PDE8B: variants seen among roughly 807,000 people sequenced by gnomAD.
The protein encoded by PDE8B is phosphodiesterase 8B, also known as high affinity cAMP-specific and IBMX-insensitive 3',5'-cyclic phosphodiesterase 8B.
Under a neutral mutation model 101.3 loss-of-function variants are expected in PDE8B, and 26 were observed. The observed-to-expected ratio is 0.26, with a 90% CI of 0.19 to 0.36. The LOEUF (loss-of-function observed/expected upper bound fraction) is 0.36. Among genes scored for constraint, PDE8B ranks in the 10% least tolerant of loss-of-function variants. The pLI, the probability that PDE8B is intolerant of heterozygous loss-of-function variation, is 1.00. For synonymous variants in PDE8B, 424 were observed against 429.3 expected (o/e 0.99, Z 0.15); for missense variants, 810 against 1,163.1 (o/e 0.70, Z 4.42).
chr5:77,384,145 C>T (rs760155192), intron 10 of PDE8B, among the ~76,000 whole-genome samples: 1 of 152,054 alleles, frequency 6.6e-6, no homozygotes, highest in African/African-American at 2.4e-5. Context: ...TTGTTTGTGT[C>T]CTCTCTTATT....
chr5:77,392,881 CAGA>C (rs1459147423), intron 10 of PDE8B, among the ~76,000 whole-genome samples: 6 of 152,126 alleles, frequency 3.9e-5, no homozygotes, highest in South Asian at 2.1e-4. Flanking sequence ...TCAGTTTTCT[CAGA>C]AGAAGTAAGA....
At chr5:77,365,130 A>C (rs190060650) in intron 10 of PDE8B, among the ~76,000 whole-genome samples, 509 of 152,216 alleles carry the variant, frequency 3.3e-3, no homozygotes, top group African/African-American at 0.012. Flanking sequence ...GATGAGGAGG[A>C]GTGTGGAAGG....
chr5:77,096,739 G>A, the PDE8B span, among the ~76,000 whole-genome samples: 1 of 152,272 alleles, frequency 6.6e-6, no homozygotes, highest in East Asian at 1.9e-4. Context: ...GTTTGCAGTT[G>A]CATCCCTCCA....
chr5:77,272,862 G>C (rs2149787481), intron 1 of PDE8B, among the ~76,000 whole-genome samples: 1 of 152,306 alleles, frequency 6.6e-6, no homozygotes, highest in Non-Finnish European at 1.5e-5. Flanking sequence ...GAGAAGGCAA[G>C]AGAGAGGCAG....
chr5:77,120,469 CT>C, the PDE8B span, among the ~76,000 whole-genome samples: 1 of 152,040 alleles, frequency 6.6e-6, no homozygotes, highest in Non-Finnish European at 1.5e-5. Context: ...GATATGCATG[CT>C]GAAGTGTTAA....
intron 1 of PDE8B, among the ~76,000 whole-genome samples, chr5:77,287,344 A>G (rs1766229180): frequency 6.6e-6 from 1 of 151,544 alleles, no homozygotes; most frequent in African/African-American, 2.4e-5. Context: ...CCCACCTCCC[A>G]TTATTTCTGT....
At chr5:77,311,533 C>G (rs1312643092) in intron 1 of PDE8B, among the ~76,000 whole-genome samples, 1 of 152,136 alleles carries the variant, frequency 6.6e-6, no homozygotes, top group African/African-American at 2.4e-5. Flanking sequence ...ATAGGAAAGG[C>G]TCTTAAACCA....
the PDE8B span, among the ~76,000 whole-genome samples, chr5:77,152,959 G>T: frequency 6.6e-6 from 1 of 152,202 alleles, no homozygotes; most frequent in Admixed American, 6.5e-5. Context: ...GAGAGAAAAT[G>T]AATTGCTTAA....
chr5:77,135,509 C>T, the PDE8B span, among the ~76,000 whole-genome samples: 34 of 136,390 alleles, frequency 2.5e-4, no homozygotes, highest in Non-Finnish European at 2.4e-4. Context: ...GACGGAGTCT[C>T]GCTGTGGCCC....
At chr5:77,324,282 C>T (rs1775648103) in intron 2 of PDE8B, among the ~76,000 whole-genome samples, 1 of 152,134 alleles carries the variant, frequency 6.6e-6, no homozygotes, top group Non-Finnish European at 1.5e-5. Context: ...GAAGACCCCA[C>T]AGGTAGTTAT....
chr5:77,421,025 T>TAA (rs1243091639), intron 19 of PDE8B, among the ~76,000 whole-genome samples: 1 of 152,200 alleles, frequency 6.6e-6, no homozygotes, highest in Non-Finnish European at 1.5e-5. Flanking sequence ...ATGGTGTCTT[T>TAA]AAAAGTGGAG....
At chr5:77,356,890 T>C (rs1372336443) in intron 10 of PDE8B, among the ~76,000 whole-genome samples, 1 of 152,216 alleles carries the variant, frequency 6.6e-6, no homozygotes, top group Non-Finnish European at 1.5e-5. Context: ...TCACTTGCCC[T>C]TTTGCAGGTG....
chr5:77,097,705 ATC>A, the PDE8B span, among the ~76,000 whole-genome samples: 265 of 20,322 alleles, frequency 0.013, 10 homozygotes, highest in African/African-American at 0.027. Flanking sequence ...ATATATATAT[ATC>A]TATATATATA....
At chr5:77,251,941 A>G (rs1352863851) in intron 1 of PDE8B, among the ~76,000 whole-genome samples, 1 of 152,170 alleles carries the variant, frequency 6.6e-6, no homozygotes, top group Non-Finnish European at 1.5e-5. Context: ...TTTGAGTGCT[A>G]TACATATGGT....
At chr5:77,097,051 C>G in the PDE8B span, among the ~76,000 whole-genome samples, 1 of 152,122 alleles carries the variant, frequency 6.6e-6, no homozygotes, top group Non-Finnish European at 1.5e-5. Flanking sequence ...TCTCTATTTT[C>G]CTTTTGTCCC....
intron 10 of PDE8B, among the ~76,000 whole-genome samples, chr5:77,386,225 A>T (rs1788576468): frequency 6.6e-6 from 1 of 152,114 alleles, no homozygotes. Context: ...AATAAGTGTG[A>T]TGTGGTGCTG....
rs1781701552 is a variant in PDE8B, at chr5:77,354,349, T to C, written c.1167+943T>C. ...CTCCTTTATAAGATATAGTTGGAGA[T>C]AAAGTCCTTCCTCCAGCACTGAGAA... On this transcript the variant is annotated intron_variant, in intron 10 of 21. Coordinates refer to ENST00000264917, the MANE Select transcript of PDE8B (RefSeq NM_003719.5). Among the ~76,000 whole-genome samples the C allele has an allele frequency of 1.3e-5, 2 of 152,198 alleles. 1 individual carries two copies. Among genetic ancestry groups the C allele is most frequent in the East Asian group, 3.8e-4 (2 of 5,198 alleles).
chr5:77,258,933 A>G (rs1271349974), intron 1 of PDE8B, among the ~76,000 whole-genome samples: 1 of 151,870 alleles, frequency 6.6e-6, no homozygotes, highest in Non-Finnish European at 1.5e-5. Context: ...AAAAGGGAGA[A>G]ATTGGTTTTC....
At chr5:77,184,704 G>A in the PDE8B span, among the ~76,000 whole-genome samples, 1 of 152,104 alleles carries the variant, frequency 6.6e-6, no homozygotes, top group Admixed American at 6.5e-5. Context: ...AAGAGGCTGG[G>A]CATGATGGCT....
Sources: allele counts gnomAD v4.1 joint callset (sites outside exome capture counted in the v4.1 genomes callset), GRCh38; gene constraint gnomAD v4.1.1; transcripts MANE v1.5; gene names NCBI Gene and HGNC (gene_info 2026-07-23, HGNC 2026-07-21).